The following RREB1 variants were observed in gnomAD, a reference collection of about 807,000 sequenced individuals.
RREB1 encodes ras-responsive element-binding protein 1.
A neutral mutation model predicts 117.8 loss-of-function variants in RREB1; 27 were observed. That is an observed-to-expected ratio of 0.23 (90% CI 0.17 to 0.32). The LOEUF (loss-of-function observed/expected upper bound fraction) is 0.32, where lower values mean the gene tolerates loss of function less well. Among genes scored for constraint, RREB1 ranks in the 10% least tolerant of loss-of-function variants. RREB1 has a pLI of 1.00. For missense variants in RREB1, 2,577 were observed against 2,378.2 expected, an observed-to-expected ratio of 1.08 and a Z score of -1.74; for synonymous variants, 1,298 against 1,026.7, an observed-to-expected ratio of 1.26 and a Z score of -5.05.
intron 7 of RREB1, among the ~76,000 whole-genome samples, chr6:7,211,182 A>T (rs571889831): frequency 1.3e-5 from 2 of 152,266 alleles, no homozygotes; most frequent in Admixed American, 6.5e-5. Flanking sequence ...AATTGTTTCC[A>T]TGCTTTCTAC....
At chr6:7,206,369 AC>A (rs1236110103) in intron 6 of RREB1, among the ~76,000 whole-genome samples, 1 of 152,214 alleles carries the variant, frequency 6.6e-6, no homozygotes, top group Non-Finnish European at 1.5e-5. Context: ...ATGTCCTGGA[AC>A]CTGAGCGTGT....
At chr6:7,242,708 G>GC (rs753546718) in intron 11 of RREB1, among the ~76,000 whole-genome samples, 3,060 of 151,454 alleles carry the variant, frequency 0.02, 43 homozygotes, top group Non-Finnish European at 0.033. Context: ...AAAGGGGGGG[G>GC]GGGAAGGAAA....
rs946070597 is a variant in RREB1 at position 7,250,242 on chromosome 6, T to C, written c.*1274T>C. On this transcript the variant is annotated 3_prime_UTR_variant, in exon 13 of 13. Transcript: ENST00000379938. ...TCCAAGCCTTACCCAGCTGTGCTACTGTCATTTGCAAAGCAAGGAAATACT... is the reference window on the plus strand; with the variant it reads ...TCCAAGCCTTACCCAGCTGTGCTACCGTCATTTGCAAAGCAAGGAAATACT... 1.3e-5 allele frequency: 2 copies of C among 152,194 alleles called. No individual in the cohort carries two copies. The highest frequency in any genetic ancestry group is 2.9e-5 in the Non-Finnish European group (2 of 68,040). The allele number at this position is 152,194 out of a possible 1,614,324, so 9.4% of individuals were successfully genotyped here.
intron 1 of RREB1, among the ~76,000 whole-genome samples, chr6:7,119,324 C>A (rs1010666187): frequency 6.6e-6 from 1 of 151,924 alleles, no homozygotes; most frequent in African/African-American, 2.4e-5. Context: ...CGTTCCAGCT[C>A]GGGTGACAGA....
chr6:7,110,518 T>G (rs919357463), intron 1 of RREB1, among the ~76,000 whole-genome samples: 1 of 148,474 alleles, frequency 6.7e-6, no homozygotes, highest in Non-Finnish European at 1.5e-5. Context: ...CTCCGCCCTT[T>G]GGAGGGAGCC....
At chr6:7,127,566 A>G (rs1200096364) in intron 1 of RREB1, among the ~76,000 whole-genome samples, 1 of 152,188 alleles carries the variant, frequency 6.6e-6, no homozygotes, top group African/African-American at 2.4e-5. Flanking sequence ...AGAGGGACTC[A>G]TTTCTCAAAA....
At chr6:7,190,074 T>C (rs1478269633) in intron 6 of RREB1, among the ~76,000 whole-genome samples, 1 of 152,238 alleles carries the variant, frequency 6.6e-6, no homozygotes, top group Non-Finnish European at 1.5e-5. Context: ...AAAATTGATA[T>C]GCTAGTTATA....
At chr6:7,208,428 C>T (rs553338825) in intron 6 of RREB1, among the ~76,000 whole-genome samples, 2 of 152,330 alleles carry the variant, frequency 1.3e-5, no homozygotes, top group African/African-American at 4.8e-5. Context: ...CACCCGTGGG[C>T]TGAATTGAGG....
In RREB1 at chr6:7,144,149, C is replaced by T. The variant is rs1385913598; in HGVS notation, c.-284-32506C>T. ...TGAAGTTAGAAAGTTTTATTATTTC[C>T]TAAGTCATTATATTTTTTCTTTTTG... On this transcript the variant is annotated intron_variant, in intron 1 of 12. Coordinates refer to ENST00000379938, the MANE Select transcript of RREB1 (RefSeq NM_001003699.4). Among the ~76,000 whole-genome samples, 14 of 151,590 alleles carry T rather than the reference C, an allele frequency of 9.2e-5. No individual in the cohort carries two copies. In the East Asian group the frequency reaches 2.5e-3, roughly 27 times the overall value.
At chr6:7,150,909 G>A (rs1487004782) in intron 1 of RREB1, among the ~76,000 whole-genome samples, 1 of 152,226 alleles carries the variant, frequency 6.6e-6, no homozygotes, top group Non-Finnish European at 1.5e-5. Flanking sequence ...GAGAGGTTGG[G>A]GTGGTGGAGC....
chr6:7,232,560 C>G (rs1581579561), intron 10 of RREB1, among the ~76,000 whole-genome samples: 1 of 152,064 alleles, frequency 6.6e-6, no homozygotes, highest in African/African-American at 2.4e-5. Context: ...AGAAACTTCT[C>G]TCAGAAGGGC....
intron 1 of RREB1, among the ~76,000 whole-genome samples, chr6:7,125,553 G>T (rs1322002759): frequency 6.6e-6 from 1 of 152,156 alleles, no homozygotes; most frequent in African/African-American, 2.4e-5. Flanking sequence ...CTTTTGAAGA[G>T]ACTCTAAGCT....
chr6:7,174,100 TC>T (rs1561760565), intron 1 of RREB1, among the ~76,000 whole-genome samples: 1 of 151,772 alleles, frequency 6.6e-6, no homozygotes, highest in Non-Finnish European at 1.5e-5. Context: ...ACCCAGGCTT[TC>T]TGTCACACTT....
intron 8 of RREB1, chr6:7,216,517 C>T (rs900795914): frequency 1.3e-4 from 20 of 152,326 alleles, no homozygotes; most frequent in African/African-American, 4.3e-4. Context: ...TGAGACCACC[C>T]CCTTCCTGTA....
chr6:7,157,726 C>T (rs1409957055), intron 1 of RREB1, among the ~76,000 whole-genome samples: 1 of 151,918 alleles, frequency 6.6e-6, no homozygotes, highest in Non-Finnish European at 1.5e-5. Flanking sequence ...AGCCATACTC[C>T]AACCTGGGTG....
intron 5 of RREB1, among the ~76,000 whole-genome samples, chr6:7,188,888 C>A (rs79330569): frequency 0.017 from 2,624 of 152,244 alleles, 87 homozygotes; most frequent in African/African-American, 0.06. Flanking sequence ...TGGTTCAAAG[C>A]AAGACCTGGG....
intron 1 of RREB1, among the ~76,000 whole-genome samples, chr6:7,137,132 C>T (rs559299766): frequency 2.0e-5 from 3 of 152,342 alleles, no homozygotes; most frequent in African/African-American, 4.8e-5. Flanking sequence ...AGAGCTAATT[C>T]GTCACATCCA....
intron 1 of RREB1, among the ~76,000 whole-genome samples, chr6:7,123,274 C>T (rs1357856096): frequency 6.6e-6 from 1 of 152,114 alleles, no homozygotes; most frequent in African/African-American, 2.4e-5. Flanking sequence ...TCTCCTGTCT[C>T]AGCCTCCTGA....
At position 7,240,605 on chromosome 6, in the gene RREB1, A is replaced by G. The variant is rs1768645678; in HGVS notation, c.3973+3A>G. On this transcript the variant is annotated splice_donor_region_variant and intron_variant, in intron 11 of 12. Transcript: ENST00000379938. ...TGTTGGATCCCATGATAGCACAGGT[A>G]GTGCCGCCAGGTGAACAAGAACCCA... 3.1e-6 allele frequency: 5 copies of G among 1,607,796 alleles called. No homozygotes were observed. Among genetic ancestry groups the G allele is most frequent in the Middle Eastern group, 1.7e-4 (1 of 6,050 alleles).
Sources: allele counts gnomAD v4.1 joint callset (sites outside exome capture counted in the v4.1 genomes callset), GRCh38; gene constraint gnomAD v4.1.1; transcripts MANE v1.5; gene names NCBI Gene and HGNC (gene_info 2026-07-23, HGNC 2026-07-21).